The following MBP variants were observed in gnomAD, a reference collection of about 807,000 sequenced individuals.
MBP encodes the protein myelin basic protein, also known as Golli-MBP.
In MBP, 16 loss-of-function variants were observed where a neutral mutation model predicts 35.8. The ratio of observed to expected loss-of-function variants is 0.45; its 90% CI spans 0.30 to 0.68. The LOEUF is 0.68. Ranked by LOEUF, MBP falls within the 30% of genes least tolerant of loss-of-function variation. The pLI is 0.08. For synonymous variants in MBP, 143 were observed against 159.6 expected, an observed-to-expected ratio of 0.90 and a Z score of 0.78; for missense variants, 380 against 404.7, an observed-to-expected ratio of 0.94 and a Z score of 0.52.
rs777020778 is a variant in MBP at position 76,980,000 on chromosome 18, T to C, written c.*427A>G. 1.4e-6 allele frequency: 1 copy of C among 702,628 alleles called. No homozygotes were observed. Among genetic ancestry groups the C allele is most frequent in the South Asian group, 1.5e-5 (1 of 67,602 alleles). 43.5% of individuals were successfully genotyped at this position (702,628 alleles called of 1,614,324 possible). A position where few individuals can be genotyped will look rare whatever the true frequency, so the allele number is the denominator to read the frequency against. ...GGAAGCTTGGATGTCAACAGTCCTC[T>C]CTGCCGCCCACGTCCTCTCTGTCTC... On this transcript the variant is annotated 3_prime_UTR_variant, in exon 9 of 9. Transcript: ENST00000355994.
chr18:77,082,588 C>T (rs1181299759), intron 2 of MBP, among the ~76,000 whole-genome samples: 1 of 152,040 alleles, frequency 6.6e-6, no homozygotes, highest in Non-Finnish European at 1.5e-5. Flanking sequence ...GACATGTACA[C>T]ACCAGTGCGC....
intron 4 of MBP, among the ~76,000 whole-genome samples, chr18:76,994,947 T>A (rs1358575450): frequency 6.6e-6 from 1 of 152,240 alleles, no homozygotes; most frequent in Non-Finnish European, 1.5e-5. Context: ...TAGCCATAAA[T>A]CATCAGTTGC....
At position 77,044,780 on chromosome 18, in the gene MBP, C is replaced by T. The variant is rs580635; in HGVS notation, c.139+21518G>A. 0.95 allele frequency among the ~76,000 whole-genome samples: 144,548 copies of T among 152,226 alleles called. 68,920 individuals are homozygous for T. The highest frequency in any genetic ancestry group is 1 in the Non-Finnish European group (67,809 of 68,040). On this transcript the variant is annotated intron_variant, in intron 3 of 8. Coordinates refer to ENST00000355994, the MANE Select transcript of MBP (RefSeq NM_001025101.2). This position sits in a 1 kb window ranked among gnomAD's most constrained non-coding sequence, Gnocchi z 4.4. ...AAATGTTCATTTAGAAAAGTTGTAT[C>T]TGTTTTCTTTCCAAATAAATTTACT...
At chr18:77,126,150 C>T (rs1189713336) in intron 1 of MBP, among the ~76,000 whole-genome samples, 2 of 152,166 alleles carry the variant, frequency 1.3e-5, no homozygotes, top group Non-Finnish European at 2.9e-5. Context: ...ATCTCACAAA[C>T]ACTTAGAGGC....
chr18:77,074,114 A>G (rs149490503), intron 2 of MBP, among the ~76,000 whole-genome samples: 1 of 152,308 alleles, frequency 6.6e-6, no homozygotes, highest in Non-Finnish European at 1.5e-5. Flanking sequence ...ATCTGAACAC[A>G]GGTCTGAGGA....
At chr18:77,067,738 G>C (rs1974256127) in intron 2 of MBP, 9 of 461,666 alleles carry the variant, frequency 1.9e-5, no homozygotes, top group Non-Finnish European at 3.5e-5. Flanking sequence ...ACTTAAGTTT[G>C]TACCAATTTT....
Position 76,988,030 on chromosome 18 carries a change from C to T in MBP, c.750+465G>A. On this transcript the variant is annotated intron_variant, in intron 7 of 8. Coordinates refer to ENST00000355994, the MANE Select transcript of MBP (RefSeq NM_001025101.2). This position sits in a 1 kb window ranked among gnomAD's most constrained non-coding sequence, Gnocchi z 5.2. ...TGAGGTTATTATAAATCGAGCAACTCTATTTAGCCTCTTTTTCTGTTCATC... is the reference window on the plus strand; with the variant it reads ...TGAGGTTATTATAAATCGAGCAACTTTATTTAGCCTCTTTTTCTGTTCATC... 1.4e-6 allele frequency: 2 copies of T among 1,385,702 alleles called. No homozygotes were observed. Among genetic ancestry groups the T allele is most frequent in the Non-Finnish European group, 1.9e-6 (2 of 1,067,962 alleles). The allele number at this position is 1,385,702 out of a possible 1,614,324, so 85.8% of individuals were successfully genotyped here.
At chr18:77,017,389 C>T (rs1971712023) in intron 3 of MBP, 121 bp from the exon 4 acceptor site, 6 of 864,708 alleles carry the variant, frequency 6.9e-6, no homozygotes, top group South Asian at 7.5e-5. Flanking sequence ...TATGTGCAGT[C>T]CTCATAAAGC....
Position 76,988,081 on chromosome 18 carries a change from C to T in MBP, c.750+414G>A. 5.4e-6 allele frequency: 8 copies of T among 1,478,798 alleles called. No homozygotes were observed. The highest frequency in any genetic ancestry group is 7.2e-6 in the Non-Finnish European group (8 of 1,115,978). The allele number at this position is 1,478,798 out of a possible 1,614,324, so 91.6% of individuals were successfully genotyped here. On this transcript the variant is annotated intron_variant, in intron 7 of 8. Transcript: ENST00000355994. This position sits in a 1 kb window ranked among gnomAD's most constrained non-coding sequence, Gnocchi z 5.2. ...AGCAGAATCATTTTCCCAGTGTCAG[C>T]ATCTGGGGTCACTGAGACGGGCCAG... is the stretch of plus-strand genomic sequence containing the variant.
At position 77,132,617 on chromosome 18, in the gene MBP, G is replaced by C. The variant is rs961247832; in HGVS notation, c.-63C>G. On this transcript the variant is annotated 5_prime_UTR_variant, in exon 1 of 9. Transcript: ENST00000355994. Reference sequence around the variant, plus strand: ...CGTTGCTCCGAGGCCGAGGGGCGCCGCGGGGTCCAAGGCCCTGCTCCGCCT... The same window carrying C: ...CGTTGCTCCGAGGCCGAGGGGCGCCCCGGGGTCCAAGGCCCTGCTCCGCCT... 29 of 152,362 alleles carry C rather than the reference G, an allele frequency of 1.9e-4. No individual in the cohort carries two copies. The highest frequency in any genetic ancestry group is 5.5e-4 in the African/African-American group (23 of 41,546). 9.4% of individuals were successfully genotyped at this position (152,362 alleles called of 1,614,324 possible).
intron 1 of MBP, among the ~76,000 whole-genome samples, chr18:77,110,997 G>A (rs983738928): frequency 6.6e-6 from 1 of 152,044 alleles, no homozygotes; most frequent in Admixed American, 6.6e-5. Context: ...TGGAGTCTTC[G>A]CGGTGTACGG....
At chr18:77,028,797 A>G (rs1205149668) in intron 3 of MBP, among the ~76,000 whole-genome samples, 7,304 of 60,204 alleles carry the variant, frequency 0.12, 1,147 homozygotes, top group East Asian at 0.22. Context: ...GGGCGGAGGG[A>G]CTCCTGACTT....
intron 3 of MBP, among the ~76,000 whole-genome samples, chr18:77,061,481 C>T (rs34928057): frequency 0.055 from 8,399 of 152,236 alleles, 321 homozygotes; most frequent in East Asian, 0.093. Flanking sequence ...CCCCTACTTA[C>T]GTATGGGGAA....
At chr18:77,133,402 C>G (rs913226801), upstream of MBP, 1 of 152,288 alleles carries the variant, frequency 6.6e-6, no homozygotes, top group Admixed American at 6.5e-5. Flanking sequence ...GCGGAAAAGA[C>G]AGCAAAACAC....
intron 4 of MBP, chr18:77,014,566 A>G (rs1971524386): frequency 2.0e-6 from 2 of 985,454 alleles, no homozygotes; most frequent in Non-Finnish European, 2.4e-6. Flanking sequence ...TAAACAGAAC[A>G]ACAAATAAAA....
intron 4 of MBP, among the ~76,000 whole-genome samples, chr18:77,010,275 C>T (rs1053398891): frequency 2.6e-5 from 4 of 152,250 alleles, no homozygotes; most frequent in Non-Finnish European, 5.9e-5. Context: ...AATATGGCAG[C>T]AGGCACCAGC....
chr18:77,101,728 C>T lies in MBP; in HGVS notation c.51+3483G>A, dbSNP rs189144804. Among the ~76,000 whole-genome samples, 7 of 152,220 alleles carry T rather than the reference C, an allele frequency of 4.6e-5. No homozygotes were observed. The highest frequency in any genetic ancestry group is 2.1e-4 in the South Asian group (1 of 4,822). On this transcript the variant is annotated intron_variant, in intron 2 of 8. Coordinates refer to ENST00000355994, the MANE Select transcript of MBP (RefSeq NM_001025101.2). The surrounding 1 kb of genome is among the most constrained non-coding windows in gnomAD (Gnocchi z 4.3). ...AGTTTCTCTTCCTCTTACATCCTGC[C>T]GTGGCTTATTCGGGATGAGAGAGAA...
chr18:77,014,143 C>A lies in MBP; in HGVS notation c.576+2689G>T, dbSNP rs574570079. On this transcript the variant is annotated intron_variant, in intron 4 of 8. Transcript: ENST00000355994. ...TCTCCGTGAATGCACTTTTCATTTA[C>A]GGCTCTCAAAAGAATATGCCTTCTC... The A allele has an allele frequency of 2.0e-5, 20 of 985,464 alleles. 1 individual carries two copies. In the South Asian group the frequency reaches 9.4e-4, roughly 46 times the overall value. The allele number at this position is 985,464 out of a possible 1,614,324, so 61.0% of individuals were successfully genotyped here. A position where few individuals can be genotyped will look rare whatever the true frequency, so the allele number is the denominator to read the frequency against.
At chr18:77,049,605 T>C (rs1317754466) in intron 3 of MBP, among the ~76,000 whole-genome samples, 1 of 152,228 alleles carries the variant, frequency 6.6e-6, no homozygotes, top group African/African-American at 2.4e-5. Context: ...TTCTAGATCA[T>C]TCCTTTTGGT....
Sources: allele counts gnomAD v4.1 joint callset (sites outside exome capture counted in the v4.1 genomes callset), GRCh38; gene constraint gnomAD v4.1.1; non-coding constraint Gnocchi (gnomAD v3.1); transcripts MANE v1.5; gene names NCBI Gene and HGNC (gene_info 2026-07-23, HGNC 2026-07-21).